The following PCDHGA3 variants were observed in gnomAD, a reference collection of about 807,000 sequenced individuals.
PCDHGA3 encodes the protein protocadherin gamma subfamily A, 3, also known as protocadherin gamma-A3.
A neutral mutation model predicts 58.5 loss-of-function variants in PCDHGA3; 40 were observed. The ratio of observed to expected loss-of-function variants is 0.68; its 90% CI spans 0.53 to 0.89. The LOEUF (loss-of-function observed/expected upper bound fraction) is 0.89. Among genes scored for constraint, PCDHGA3 ranks in the 40% least tolerant of loss-of-function variants. The pLI, the probability that PCDHGA3 is intolerant of heterozygous loss-of-function variation, is 0.00. For synonymous variants in PCDHGA3, 530 were observed against 525.7 expected (o/e 1.01, Z -0.11); for missense variants, 1,223 against 1,195.9 (o/e 1.02, Z -0.33).
At chr5:141,427,602 A>G (rs1415454468) in intron 1 of PCDHGA3, 1 of 685,668 alleles carries the variant, frequency 1.5e-6, no homozygotes, top group Non-Finnish European at 2.7e-6. Flanking sequence ...CACCCTACGC[A>G]TTGGTGAAGT....
At chr5:141,479,328 G>C (rs568506786) in intron 1 of PCDHGA3, 3 of 152,536 alleles carry the variant, frequency 2.0e-5, no homozygotes, top group African/African-American at 7.2e-5. Context: ...CAGACTCAGT[G>C]GTGTGCACCT....
intron 1 of PCDHGA3, chr5:141,398,588 T>C: frequency 1.9e-6 from 3 of 1,614,010 alleles, no homozygotes; most frequent in African/African-American, 1.3e-5. Flanking sequence ...AGATTTATAC[T>C]AGAAGTAGCA....
intron 1 of PCDHGA3, chr5:141,399,529 G>A (rs946281582): frequency 3.1e-6 from 5 of 1,613,892 alleles, no homozygotes; most frequent in Non-Finnish European, 4.2e-6. Flanking sequence ...GGCCTCCATC[G>A]CGCAAGTCTG....
In PCDHGA3 at chr5:141,344,544, A is replaced by G. The variant is rs964747852; in HGVS notation, c.511A>G (p.Lys171Glu). The change falls in exon 1 of 4, where the codon AAG (lysine) becomes GAG (glutamate). Residue 171 changes from lysine (K) to glutamate (E), a missense_variant. Coordinates refer to ENST00000253812, the MANE Select transcript of PCDHGA3 (RefSeq NM_018916.4). ...DVGINSLQNYKLSPNDYFSLA... is the reference protein window; with the variant it reads ...DVGINSLQNYELSPNDYFSLA... ...AGGCATTAACTCCCTGCAGAACTAC[A>G]AGCTTAGCCCCAATGACTACTTCTC... 1 of 1,613,888 alleles carries G rather than the reference A, an allele frequency of 6.2e-7. No homozygotes were observed. Among genetic ancestry groups the G allele is most frequent in the Admixed American group, 1.7e-5 (1 of 60,006 alleles).
chr5:141,374,504 A>G (rs370470847), intron 1 of PCDHGA3: 1 of 1,611,510 alleles, frequency 6.2e-7, no homozygotes, highest in African/African-American at 1.3e-5. Context: ...ATTGGAAGTG[A>G]AAATTCTCGA....
Position 141,485,954 on chromosome 5 carries a change from C to T in PCDHGA3, c.2425-8853C>T, listed in dbSNP as rs2154580519. The T allele has an allele frequency of 6.2e-7, 1 of 1,614,190 alleles. No individual in the cohort carries two copies. The highest frequency in any genetic ancestry group is 8.5e-7 in the Non-Finnish European group (1 of 1,180,038). ...GGAGAGCGCACCAGCGGGCATGGTG[C>T]TCATCCAGCTCAATGCCTCAGACCC... On this transcript the variant is annotated intron_variant, in intron 1 of 3. Coordinates refer to ENST00000253812, the MANE Select transcript of PCDHGA3 (RefSeq NM_018916.4). The surrounding 1 kb of genome is among the most constrained non-coding windows in gnomAD (Gnocchi z 5.7).
At chr5:141,354,548 C>T (rs1759572044) in intron 1 of PCDHGA3, among the ~76,000 whole-genome samples, 1 of 152,238 alleles carries the variant, frequency 6.6e-6, no homozygotes, top group African/African-American at 2.4e-5. Flanking sequence ...AGAGGGTCAA[C>T]TCCTGTGAGG....
rs755457564 is a variant in PCDHGA3, at chr5:141,394,423, G to A, written c.2424+47966G>A. The stretch of plus-strand genomic sequence containing the variant: ...CAGCTACTGGTAACAGCCAGCGACA[G>A]CGGGGACCCGCCCCTCAGCAGCAAC... On this transcript the variant is annotated intron_variant, in intron 1 of 3. Coordinates refer to ENST00000253812, the MANE Select transcript of PCDHGA3 (RefSeq NM_018916.4). 2.5e-6 allele frequency: 4 copies of A among 1,614,248 alleles called. No homozygotes were observed. The Admixed American group carries it at 6.7e-5, about 27-fold the overall frequency.
chr5:141,427,222 A>G (rs536161247), intron 1 of PCDHGA3: 1 of 456,774 alleles, frequency 2.2e-6, no homozygotes, highest in South Asian at 1.5e-5. Flanking sequence ...CGTAGCAGTT[A>G]TACCATGAGA....
chr5:141,477,229 C>T lies in PCDHGA3; in HGVS notation c.2425-17578C>T. ...AGGATGCCCCTCTGGGGACTGTCAT[C>T]GCTTTGCTCAGTGTGACTGACCTGG... On this transcript the variant is annotated intron_variant, in intron 1 of 3. Transcript: ENST00000253812. The surrounding 1 kb of genome is among the most constrained non-coding windows in gnomAD (Gnocchi z 4.9). 6.2e-7 allele frequency: 1 copy of T among 1,614,222 alleles called. No homozygotes were observed. Among genetic ancestry groups the T allele is most frequent in the Non-Finnish European group, 8.5e-7 (1 of 1,180,052 alleles).
chr5:141,438,597 T>C (rs1343540280), intron 1 of PCDHGA3, among the ~76,000 whole-genome samples: 20 of 38,918 alleles, frequency 5.1e-4, no homozygotes, highest in African/African-American at 1.6e-3. Flanking sequence ...CATACATATA[T>C]ATATATATAT....
chr5:141,437,715 C>T (rs2097903335), intron 1 of PCDHGA3, among the ~76,000 whole-genome samples: 1 of 151,772 alleles, frequency 6.6e-6, no homozygotes, highest in Non-Finnish European at 1.5e-5. Context: ...ACACAGTTAC[C>T]CTCTAATGTT....
chr5:141,388,628 G>A (rs752578230), intron 1 of PCDHGA3: 2 of 1,613,898 alleles, frequency 1.2e-6, no homozygotes. Flanking sequence ...ACGTATACAG[G>A]GTGAGCCTTT....
chr5:141,361,793 G>A, intron 1 of PCDHGA3: 1 of 1,613,244 alleles, frequency 6.2e-7, no homozygotes, highest in Non-Finnish European at 8.5e-7. Context: ...GTGTTAGTGG[G>A]CGACCTCAAT....
At position 141,357,551 on chromosome 5, in the gene PCDHGA3, G is replaced by A. The variant is rs776549222; in HGVS notation, c.2424+11094G>A. 1.2e-6 allele frequency: 2 copies of A among 1,614,242 alleles called. No homozygotes were observed. Among genetic ancestry groups the A allele is most frequent in the Non-Finnish European group, 8.5e-7 (1 of 1,180,048 alleles). On this transcript the variant is annotated intron_variant, in intron 1 of 3. Transcript: ENST00000253812. ...GCAGACACGCTCATCAGCCGGGAGA[G>A]TTGTGAGAAAAGCGAGCCTCTTCTG...
chr5:141,501,947 T>A (rs2099811963), intron 2 of PCDHGA3, among the ~76,000 whole-genome samples: 1 of 152,152 alleles, frequency 6.6e-6, no homozygotes, highest in Non-Finnish European at 1.5e-5. Context: ...CTGCTCCCTG[T>A]GACAGGTCAT....
chr5:141,409,990 C>A (rs377295503), intron 1 of PCDHGA3: 26 of 1,613,278 alleles, frequency 1.6e-5, no homozygotes, highest in Non-Finnish European at 2.2e-5. Flanking sequence ...CGGTGGACGC[C>A]GACTCGGGAC....
chr5:141,355,167 A>C (rs755561054), intron 1 of PCDHGA3: 1 of 1,565,298 alleles, frequency 6.4e-7, no homozygotes, highest in Middle Eastern at 2.4e-4. Context: ...CAGAGGGAAA[A>C]CCGAAGCACA....
In PCDHGA3 at chr5:141,491,491, G is replaced by C. The variant is rs2099717103; in HGVS notation, c.2425-3316G>C. The C allele has an allele frequency of 1.2e-6, 2 of 1,614,042 alleles. No homozygotes were observed. The highest frequency in any genetic ancestry group is 1.7e-5 in the Admixed American group (1 of 60,016). The stretch of plus-strand genomic sequence containing the variant: ...TAAGCAGTCCAGCCCCAACCTGCAG[G>C]TGAGCTCGGACGGCACGCTCAAGTA... On this transcript the variant is annotated intron_variant, in intron 1 of 3. Transcript: ENST00000253812. The surrounding 1 kb of genome is among the most constrained non-coding windows in gnomAD (Gnocchi z 6.9).
Sources: gnomAD v4.1 joint callset for allele counts (sites outside exome capture counted in the v4.1 genomes callset) on GRCh38, gnomAD v4.1.1 for gene constraint, Gnocchi (gnomAD v3.1) non-coding constraint, MANE v1.5 for transcripts, NCBI Gene and HGNC (gene_info 2026-07-23, HGNC 2026-07-21) for gene names.